NTRK3: variants seen among roughly 807,000 people sequenced by gnomAD.
NTRK3 encodes the protein neurotrophic receptor tyrosine kinase 3.
A neutral mutation model predicts 91.7 loss-of-function variants in NTRK3; 24 were observed. The observed-to-expected ratio is 0.26, with a 90% CI of 0.19 to 0.37. The LOEUF (loss-of-function observed/expected upper bound fraction) is 0.37. Among genes scored for constraint, NTRK3 ranks in the 10% least tolerant of loss-of-function variants. The probability of loss-of-function intolerance (pLI) is 1.00; values close to 1 mark genes in which losing one functional copy is unlikely to be tolerated. For missense variants in NTRK3, 880 were observed against 1,068.9 expected, an observed-to-expected ratio of 0.82 and a Z score of 2.46; for synonymous variants, 483 against 404.0, an observed-to-expected ratio of 1.20 and a Z score of -2.34.
chr15:88,153,360 C>T (rs922367532), intron 5 of NTRK3, among the ~76,000 whole-genome samples: 11 of 152,086 alleles, frequency 7.2e-5, no homozygotes, highest in East Asian at 3.9e-4. Flanking sequence ...CTTCTGCCTA[C>T]GCCTCCCGAG....
At chr15:88,045,149 C>A (rs2080058560) in intron 13 of NTRK3, among the ~76,000 whole-genome samples, 1 of 152,186 alleles carries the variant, frequency 6.6e-6, no homozygotes, top group African/African-American at 2.4e-5. Context: ...TAACAGGAGC[C>A]CACCACCCTG....
chr15:88,094,050 T>C (rs955931788), intron 13 of NTRK3, among the ~76,000 whole-genome samples: 1 of 152,042 alleles, frequency 6.6e-6, no homozygotes, highest in Non-Finnish European at 1.5e-5. Context: ...AAACAGGGGA[T>C]GCACTCTCAC....
intron 3 of NTRK3, among the ~76,000 whole-genome samples, chr15:88,207,746 G>T (rs932681315): frequency 6.6e-6 from 1 of 152,094 alleles, no homozygotes. Flanking sequence ...CTGGCTTCCC[G>T]GAGCTATCAT....
At chr15:88,065,053 T>C (rs944942044) in intron 13 of NTRK3, among the ~76,000 whole-genome samples, 2 of 152,200 alleles carry the variant, frequency 1.3e-5, no homozygotes, top group African/African-American at 4.8e-5. Context: ...GACAACTATG[T>C]GACGATAACT....
At chr15:88,113,048 C>A (rs1306039455) in intron 13 of NTRK3, among the ~76,000 whole-genome samples, 2 of 152,150 alleles carry the variant, frequency 1.3e-5, no homozygotes, top group African/African-American at 4.8e-5. Context: ...AGTAACAGAA[C>A]TGTGGCATTA....
intron 14 of NTRK3, among the ~76,000 whole-genome samples, chr15:87,997,266 C>A (rs1388624756): frequency 6.6e-6 from 1 of 152,102 alleles, no homozygotes; most frequent in Admixed American, 6.5e-5. Flanking sequence ...AATTACATTC[C>A]AATTCCAAAT....
intron 14 of NTRK3, among the ~76,000 whole-genome samples, chr15:87,990,372 T>C (rs1668476848): frequency 6.6e-6 from 1 of 152,216 alleles, no homozygotes; most frequent in Admixed American, 6.5e-5. Flanking sequence ...CAGAGCTAAA[T>C]TCCTGCCCTG....
chr15:88,023,747 A>AC (rs2077785589), intron 14 of NTRK3, among the ~76,000 whole-genome samples: 1 of 151,954 alleles, frequency 6.6e-6, no homozygotes, highest in Admixed American at 6.6e-5. Context: ...TCAGCCGCAC[A>AC]CCCCATGCTC....
chr15:88,053,231 G>A (rs1389698601), intron 13 of NTRK3, among the ~76,000 whole-genome samples: 1 of 152,184 alleles, frequency 6.6e-6, no homozygotes, highest in Non-Finnish European at 1.5e-5. Context: ...GGGTAAGGGG[G>A]CAGAGAGTAA....
At chr15:88,056,194 ATATATATAT>A (rs1414604606) in intron 13 of NTRK3, among the ~76,000 whole-genome samples, 2 of 99,486 alleles carry the variant, frequency 2.0e-5, no homozygotes, top group African/African-American at 7.8e-5. Flanking sequence ...ATATATATAT[ATATATATAT>A]TTTTTTTTTA....
chr15:88,023,365 G>A (rs2077750432), intron 14 of NTRK3, among the ~76,000 whole-genome samples: 1 of 152,188 alleles, frequency 6.6e-6, no homozygotes, highest in East Asian at 1.9e-4. Flanking sequence ...AGAATTCCTG[G>A]GGGTCTCCTA....
chr15:87,933,566 G>A (rs2068996126), intron 15 of NTRK3, among the ~76,000 whole-genome samples: 1 of 152,342 alleles, frequency 6.6e-6, no homozygotes, highest in African/African-American at 2.4e-5. Flanking sequence ...CCCACAGCTG[G>A]AATAAACAGT....
chr15:88,059,179 A>C (rs1364127810), intron 13 of NTRK3, among the ~76,000 whole-genome samples: 5 of 152,184 alleles, frequency 3.3e-5, no homozygotes, highest in Non-Finnish European at 5.9e-5. Context: ...TGCCACTCCA[A>C]GAATTTGATG....
intron 3 of NTRK3, among the ~76,000 whole-genome samples, chr15:88,209,756 C>A (rs2049083332): frequency 6.6e-6 from 1 of 152,210 alleles, no homozygotes; most frequent in South Asian, 2.1e-4. Flanking sequence ...GGGAGCTTGC[C>A]CTCTCTGTTC....
Position 87,949,839 on chromosome 15 carries a change from A to C in NTRK3, c.1586-9086T>G, listed in dbSNP as rs79665674. Among the ~76,000 whole-genome samples, 929 of 152,322 alleles carry C rather than the reference A, an allele frequency of 6.1e-3. 8 individuals carry two copies. The highest frequency in any genetic ancestry group is 0.031 in the Middle Eastern group (9 of 294). On this transcript the variant is annotated intron_variant, in intron 14 of 18. Coordinates refer to ENST00000394480, the Ensembl canonical transcript of NTRK3. The stretch of plus-strand genomic sequence containing the variant: ...GAATAAAGAGAAAAAGAACTCCCCA[A>C]GGAGAGCCATCTGGAATTGTGAAGT...
intron 15 of NTRK3, among the ~76,000 whole-genome samples, chr15:87,938,006 C>T (rs749394924): frequency 6.6e-6 from 1 of 151,750 alleles, no homozygotes; most frequent in Non-Finnish European, 1.5e-5. Flanking sequence ...GGATCTCATT[C>T]CCTCCTCTGC....
At chr15:87,956,017 G>T (rs2071619374) in intron 14 of NTRK3, among the ~76,000 whole-genome samples, 1 of 151,990 alleles carries the variant, frequency 6.6e-6, no homozygotes, top group South Asian at 2.1e-4. Context: ...TAAGCCCCGT[G>T]GTGGGACAAG....
At chr15:88,078,235 G>A (rs1294781872) in intron 13 of NTRK3, among the ~76,000 whole-genome samples, 1 of 152,164 alleles carries the variant, frequency 6.6e-6, no homozygotes, top group Non-Finnish European at 1.5e-5. Flanking sequence ...TATGTTCTGG[G>A]GGTAGAGGTA....
chr15:87,899,776 G>A (rs2066341198), intron 17 of NTRK3, among the ~76,000 whole-genome samples: 1 of 152,150 alleles, frequency 6.6e-6, no homozygotes. Flanking sequence ...AGGACATAAA[G>A]AATATACAAG....
Sources: gnomAD v4.1 joint callset for allele counts (sites outside exome capture counted in the v4.1 genomes callset) on GRCh38, gnomAD v4.1.1 for gene constraint, MANE v1.5 for transcripts, NCBI Gene and HGNC (gene_info 2026-07-23, HGNC 2026-07-21) for gene names.